PIK3C2G: variants seen among roughly 807,000 people sequenced by gnomAD.
PIK3C2G encodes phosphatidylinositol-4-phosphate 3-kinase catalytic subunit type 2 gamma.
Under a neutral mutation model 181.1 loss-of-function variants are expected in PIK3C2G, and 168 were observed. The observed-to-expected ratio is 0.93, with a 90% CI of 0.82 to 1.05. The LOEUF (loss-of-function observed/expected upper bound fraction) is 1.05, where lower values mean the gene tolerates loss of function less well. Among genes scored for constraint, PIK3C2G ranks in the 50% least tolerant of loss-of-function variants. PIK3C2G has a pLI of 0.00. For missense variants in PIK3C2G, 1,869 were observed against 1,732.8 expected (o/e 1.08, Z -1.40); for synonymous variants, 573 against 592.2 (o/e 0.97, Z 0.47).
intron 6 of PIK3C2G, among the ~76,000 whole-genome samples, chr12:18,318,959 C>T (rs1273236451): frequency 6.6e-6 from 1 of 151,856 alleles, no homozygotes; most frequent in East Asian, 1.9e-4. Flanking sequence ...GTGTTGTGTA[C>T]CTATAATCCC....
At chr12:18,587,159 T>G (rs1285573387) in intron 29 of PIK3C2G, among the ~76,000 whole-genome samples, 1 of 152,014 alleles carries the variant, frequency 6.6e-6, no homozygotes, top group South Asian at 2.1e-4. Context: ...GTTAAGGATG[T>G]CTTCCCTCAT....
At position 18,640,987 on chromosome 12, in the gene PIK3C2G, T is replaced by C. The variant is rs371072123; in HGVS notation, c.4308+433T>C. ...CAAAATACAAATGGAAGTTAATGTATATTATAAATAGCTCTCTAATTTATT... is the reference window on the plus strand; with the variant it reads ...CAAAATACAAATGGAAGTTAATGTACATTATAAATAGCTCTCTAATTTATT... On this transcript the variant is annotated intron_variant, in intron 32 of 32. Transcript: ENST00000538779. Among the ~76,000 whole-genome samples, 12 of 152,228 alleles carry C rather than the reference T, an allele frequency of 7.9e-5. No homozygotes were observed. In the East Asian group the frequency reaches 1.5e-3, roughly 20 times the overall value.
At position 18,634,561 on chromosome 12, in the gene PIK3C2G, A is replaced by G. The variant is rs149075397; in HGVS notation, c.4183-5868A>G. Among the ~76,000 whole-genome samples the G allele has an allele frequency of 5.7e-3, 867 of 152,334 alleles. 2 individuals are homozygous for G. Among genetic ancestry groups the G allele is most frequent in the Middle Eastern group, 0.014 (4 of 294 alleles). On this transcript the variant is annotated intron_variant, in intron 31 of 32. Coordinates refer to ENST00000538779, the MANE Select transcript of PIK3C2G (RefSeq NM_001288772.2). Reference sequence around the variant, plus strand: ...TCAACCGGCCATCAGATAGCTTACCAGCATGGGGAATGATGCCATCTCAGG... The same window carrying G: ...TCAACCGGCCATCAGATAGCTTACCGGCATGGGGAATGATGCCATCTCAGG...
intron 24 of PIK3C2G, among the ~76,000 whole-genome samples, chr12:18,537,228 T>G (rs1454921903): frequency 6.6e-6 from 1 of 152,102 alleles, no homozygotes; most frequent in African/African-American, 2.4e-5. Context: ...ACAATTATGT[T>G]TTATTATTTA....
At chr12:18,706,210 T>A in the PIK3C2G span, among the ~76,000 whole-genome samples, 2 of 150,482 alleles carry the variant, frequency 1.3e-5, no homozygotes. Flanking sequence ...CCAGCCTGGG[T>A]GACGGAATGA....
At chr12:18,331,885 G>A (rs1035234267) in intron 8 of PIK3C2G, among the ~76,000 whole-genome samples, 4 of 152,024 alleles carry the variant, frequency 2.6e-5, no homozygotes, top group Non-Finnish European at 5.9e-5. Context: ...TGGATTATGA[G>A]TTTTGTCAAA....
chr12:18,261,775 A>T (rs572005252), intron 1 of PIK3C2G, among the ~76,000 whole-genome samples, 198 bp downstream of exon 1: 1 of 152,000 alleles, frequency 6.6e-6, no homozygotes, highest in African/African-American at 2.4e-5. Flanking sequence ...AAAATCTACA[A>T]CCAGAAGATA....
At chr12:18,680,040 A>T in the PIK3C2G span, among the ~76,000 whole-genome samples, 4 of 152,028 alleles carry the variant, frequency 2.6e-5, no homozygotes, top group Non-Finnish European at 5.9e-5. Flanking sequence ...AGAATGCATC[A>T]TAAGAACCCT....
intron 5 of PIK3C2G, among the ~76,000 whole-genome samples, chr12:18,304,211 C>G (rs1950324571): frequency 6.6e-6 from 1 of 152,054 alleles, no homozygotes; most frequent in South Asian, 2.1e-4. Flanking sequence ...CAAAAAACTT[C>G]TATATTTTAA....
chr12:18,723,610 A>G, the PIK3C2G span: 4 of 1,177,900 alleles, frequency 3.4e-6, no homozygotes, highest in African/African-American at 1.5e-5. Context: ...ATATTAGAGT[A>G]TTTATGTAAC....
chr12:18,358,623 A>C (rs1203859087), intron 11 of PIK3C2G: 3 of 467,698 alleles, frequency 6.4e-6, no homozygotes, highest in Non-Finnish European at 8.6e-6. Context: ...AAAGTTAACC[A>C]AAAAAAATTC....
At chr12:18,711,500 A>G in the PIK3C2G span, among the ~76,000 whole-genome samples, 1 of 150,016 alleles carries the variant, frequency 6.7e-6, no homozygotes, top group African/African-American at 2.5e-5. Context: ...AAACCTGCAC[A>G]TTGTGCACAT....
chr12:18,543,862 A>C (rs1416689001), intron 25 of PIK3C2G, among the ~76,000 whole-genome samples: 1 of 151,864 alleles, frequency 6.6e-6, no homozygotes, highest in African/African-American at 2.4e-5. Context: ...GCTATTTACA[A>C]AGTGCCGTGC....
At chr12:18,413,100 G>A (rs1201560482) in intron 16 of PIK3C2G, among the ~76,000 whole-genome samples, 3 of 152,046 alleles carry the variant, frequency 2.0e-5, no homozygotes, top group Non-Finnish European at 4.4e-5. Flanking sequence ...CCTTCATAGA[G>A]TATTTTTTTC....
intron 32 of PIK3C2G, among the ~76,000 whole-genome samples, chr12:18,643,440 T>C (rs916306013): frequency 3.9e-5 from 6 of 152,058 alleles, no homozygotes; most frequent in Non-Finnish European, 8.8e-5. Context: ...ATTTTAGTAG[T>C]AGTCATTAGG....
chr12:18,338,930 T>C (rs1476838901), intron 9 of PIK3C2G, among the ~76,000 whole-genome samples: 2 of 152,096 alleles, frequency 1.3e-5, no homozygotes, highest in Non-Finnish European at 2.9e-5. Flanking sequence ...TTGTTAATGG[T>C]TCTCATGTAT....
At chr12:18,649,311 T>A (rs1459032924), downstream of PIK3C2G, among the ~76,000 whole-genome samples, 2 of 152,090 alleles carry the variant, frequency 1.3e-5, no homozygotes, top group Non-Finnish European at 2.9e-5. Flanking sequence ...CCTCTCTGCT[T>A]ATTACCAGAG....
the PIK3C2G span, among the ~76,000 whole-genome samples, chr12:18,717,669 G>A: frequency 6.6e-6 from 1 of 151,870 alleles, no homozygotes; most frequent in Non-Finnish European, 1.5e-5. Flanking sequence ...TTCTCTCTTG[G>A]GCTTCAACAT....
At chr12:18,291,520 G>C (rs1286328036) in intron 4 of PIK3C2G, among the ~76,000 whole-genome samples, 5 of 152,050 alleles carry the variant, frequency 3.3e-5, no homozygotes, top group Non-Finnish European at 7.4e-5. Context: ...TGACACCCAG[G>C]AATTTATATT....
Sources: gnomAD v4.1 joint callset for allele counts (sites outside exome capture counted in the v4.1 genomes callset) on GRCh38, gnomAD v4.1.1 for gene constraint, MANE v1.5 for transcripts, NCBI Gene and HGNC (gene_info 2026-07-23, HGNC 2026-07-21) for gene names.